The following SLC26A4 variants were observed in gnomAD, a reference collection of about 807,000 sequenced individuals.
SLC26A4 encodes solute carrier family 26 member 4, also known as pendrin.
Under a neutral mutation model 90.4 loss-of-function variants are expected in SLC26A4, and 93 were observed. That is an observed-to-expected ratio of 1.03 (90% confidence interval 0.87 to 1.22). The LOEUF is 1.22. SLC26A4 is among the 50% of genes most tolerant of loss of function. SLC26A4 has a pLI of 0.00. For synonymous variants in SLC26A4, 393 were observed against 354.6 expected (o/e 1.11, Z -1.22); for missense variants, 1,127 against 946.2 (o/e 1.19, Z -2.51).
chr7:107,691,982 A>G, intron 10 of SLC26A4: 5 of 1,288,812 alleles, frequency 3.9e-6, no homozygotes, highest in Non-Finnish European at 5.1e-6. Context: ...TCCAGAGCAC[A>G]TGGTCTTCAG....
At chr7:107,677,645 G>T (rs1443625791) in intron 6 of SLC26A4, among the ~76,000 whole-genome samples, 1 of 147,214 alleles carries the variant, frequency 6.8e-6, no homozygotes, top group South Asian at 2.2e-4. Flanking sequence ...TTGCCCCATT[G>T]CCTGGGCTGG....
chr7:107,672,083 T>A, intron 3 of SLC26A4, 55 bp from the exon 4 acceptor site: 1 of 1,104,086 alleles, frequency 9.1e-7, no homozygotes, highest in South Asian at 1.2e-5. Context: ...GTTGAGGACT[T>A]TCTGCATACT....
intron 19 of SLC26A4, 91 bp from the exon 20 acceptor site, chr7:107,712,448 G>A (rs1792216838): frequency 1.3e-6 from 1 of 769,206 alleles, no homozygotes; most frequent in Non-Finnish European, 2.4e-6. Flanking sequence ...AAAGACAGAT[G>A]AGAAGCACCA....
At chr7:107,709,019 G>T (rs566331488) in intron 18 of SLC26A4, among the ~76,000 whole-genome samples, 1 of 152,292 alleles carries the variant, frequency 6.6e-6, no homozygotes, top group Admixed American at 6.5e-5. Flanking sequence ...TTGCACAAGC[G>T]ATTTATTGAG....
In SLC26A4 at chr7:107,667,013, A is replaced by C. The variant is rs150884754; in HGVS notation, c.304+3578A>C. Among the ~76,000 whole-genome samples, 139 of 152,316 alleles carry C rather than the reference A, an allele frequency of 9.1e-4. 1 individual carries two copies. The highest frequency in any genetic ancestry group is 3.3e-3 in the African/African-American group (136 of 41,578). On this transcript the variant is annotated intron_variant, in intron 3 of 20. Coordinates refer to ENST00000644269, the MANE Select transcript of SLC26A4 (RefSeq NM_000441.2). ...ATAATGATGAGTGTGGATGAAAATC[A>C]CTGATGCCTCCAAGGTTGTTGGCTT...
intron 2 of SLC26A4, chr7:107,662,021 T>G: frequency 3.4e-6 from 2 of 589,390 alleles, no homozygotes; most frequent in Non-Finnish European, 6.0e-6. Flanking sequence ...GAAATGAACT[T>G]ACCTGGGAAA....
Position 107,661,986 on chromosome 7 carries a change from G to T in SLC26A4, c.164+181G>T. ...CCTCCACGCCGCCCTTCTGGTGGGAGGGTGGCTCCATCAGTCTCGGGCCCG... is the reference window on the plus strand; with the variant it reads ...CCTCCACGCCGCCCTTCTGGTGGGATGGTGGCTCCATCAGTCTCGGGCCCG... On this transcript the variant is annotated intron_variant, in intron 2 of 20. Transcript: ENST00000644269. This position sits in a 1 kb window ranked among gnomAD's most constrained non-coding sequence, Gnocchi z 5.1. The T allele has an allele frequency of 1.5e-6, 1 of 669,922 alleles. No individual in the cohort carries two copies. Among genetic ancestry groups the T allele is most frequent in the Non-Finnish European group, 2.5e-6 (1 of 402,940 alleles). 41.5% of individuals were successfully genotyped at this position (669,922 alleles called of 1,614,324 possible).
At chr7:107,679,977 A>C (rs1293993350) in intron 6 of SLC26A4, among the ~76,000 whole-genome samples, 2 of 132,338 alleles carry the variant, frequency 1.5e-5, no homozygotes, top group Non-Finnish European at 3.1e-5. Context: ...TATATAATAT[A>C]ATCTTATTAT....
At chr7:107,683,170 A>C in intron 6 of SLC26A4, 32 bp from the exon 7 acceptor site, 1 of 1,565,930 alleles carries the variant, frequency 6.4e-7, no homozygotes, top group Non-Finnish European at 8.8e-7. Flanking sequence ...GTGTAGCAGC[A>C]GGAAGTATAT....
chr7:107,690,045 A>G (rs1018879867), intron 9 of SLC26A4, 79 bp from the exon 10 acceptor site: 1 of 872,372 alleles, frequency 1.1e-6, no homozygotes. Flanking sequence ...TTCATTCTTA[A>G]TGTACTTCCT....
Position 107,683,225 on chromosome 7 carries a change from T to C in SLC26A4, c.789T>C (p.Asn263=). The part of the protein sequence containing the change: ...IIYTLVEIFQ[N]IGDTNLADFT... ...AGACGCTGGTTGAGATTTTTCAAAA[T>C]ATTGGTGATACCAATCTTGCTGATT... The change falls in exon 7 of 21, where the codon AAT becomes AAC. Residue 263 remains asparagine, a synonymous_variant. Coordinates refer to ENST00000644269, the MANE Select transcript of SLC26A4 (RefSeq NM_000441.2). 1.2e-6 allele frequency: 2 copies of C among 1,612,496 alleles called. No homozygotes were observed. The highest frequency in any genetic ancestry group is 1.1e-5 in the South Asian group (1 of 91,020).
intron 18 of SLC26A4, among the ~76,000 whole-genome samples, chr7:107,704,803 T>C (rs1791997002): frequency 6.6e-6 from 1 of 152,218 alleles, no homozygotes; most frequent in African/African-American, 2.4e-5. Context: ...ATTTAAACTG[T>C]CCTGTTTTAG....
At chr7:107,680,815 G>A (rs1791210933) in intron 6 of SLC26A4, among the ~76,000 whole-genome samples, 7 of 152,110 alleles carry the variant, frequency 4.6e-5, no homozygotes, top group Admixed American at 4.6e-4. Context: ...TTGTGTGATT[G>A]GGATAATGAT....
intron 6 of SLC26A4, among the ~76,000 whole-genome samples, chr7:107,681,391 A>G (rs1584315650): frequency 6.6e-6 from 1 of 152,228 alleles, no homozygotes; most frequent in Admixed American, 6.5e-5. Context: ...CTTAAGGTTC[A>G]TTAAGTACTT....
Position 107,660,857 on chromosome 7 carries a change from T to G in SLC26A4, c.-4+2T>G, listed in dbSNP as rs982532632. 2.0e-5 allele frequency: 3 copies of G among 152,090 alleles called. No homozygotes were observed. The highest frequency in any genetic ancestry group is 7.3e-5 in the African/African-American group (3 of 41,378). The allele number at this position is 152,090 out of a possible 1,614,324, so 9.4% of individuals were successfully genotyped here. ...CGGGCGGGGCGCGAGCAGAGACAGGTGAGTTCGCCCTGAAGATGCCCACAC... is the reference window on the plus strand; with the variant it reads ...CGGGCGGGGCGCGAGCAGAGACAGGGGAGTTCGCCCTGAAGATGCCCACAC... On this transcript the variant is annotated splice_donor_variant, in intron 1 of 20. Coordinates refer to ENST00000644269, the MANE Select transcript of SLC26A4 (RefSeq NM_000441.2). LOFTEE classifies it low-confidence loss of function (5UTR_SPLICE).
In SLC26A4 at chr7:107,661,846, G is replaced by A; in HGVS notation, c.164+41G>A. On this transcript the variant is annotated intron_variant, in intron 2 of 20. Transcript: ENST00000644269. The surrounding 1 kb of genome is among the most constrained non-coding windows in gnomAD (Gnocchi z 5.1). ...GCCTGCGTAGAGAGAAGCGGAGCGGGGCGTCCACGCCTTGGGGAGGGAAGG... is the reference window on the plus strand; with the variant it reads ...GCCTGCGTAGAGAGAAGCGGAGCGGAGCGTCCACGCCTTGGGGAGGGAAGG... 3.3e-6 allele frequency: 5 copies of A among 1,523,188 alleles called. No homozygotes were observed. The highest frequency in any genetic ancestry group is 4.4e-6 in the Non-Finnish European group (5 of 1,138,354). 94.4% of individuals were successfully genotyped at this position (1,523,188 alleles called of 1,614,324 possible). A position where few individuals can be genotyped will look rare whatever the true frequency, so the allele number is the denominator to read the frequency against.
rs1201527507 is a variant in SLC26A4, at chr7:107,686,290, TCCTACCTTCCCTCCCTTCCCTCCCTTC to T, written c.1001+2757_1002-2733del. On this transcript the variant is annotated intron_variant, in intron 8 of 20. Coordinates refer to ENST00000644269, the MANE Select transcript of SLC26A4 (RefSeq NM_000441.2). ...CTTCCTTCCCTCCCTTCCCTCCCTT[TCCTACCTTCCCTCCCTTCCCTCCCTTC>T]CCTCCCTTTCCTACCTGCACTCCCT... Among the ~76,000 whole-genome samples the T allele has an allele frequency of 1.5e-4, 14 of 94,706 alleles. 1 individual carries two copies. In the East Asian group the frequency reaches 5.8e-3, roughly 39 times the overall value. The allele number at this position is 94,706 out of a possible 152,430, so 62.1% of individuals were successfully genotyped here.
In SLC26A4 at chr7:107,695,926, T is replaced by TC. The variant is rs778728299; in HGVS notation, c.1438-4dup. 1.4e-6 allele frequency: 2 copies of TC among 1,453,312 alleles called. No homozygotes were observed. Among genetic ancestry groups the TC allele is most frequent in the Non-Finnish European group, 1.9e-6 (2 of 1,033,594 alleles). 90.0% of individuals were successfully genotyped at this position (1,453,312 alleles called of 1,614,324 possible). On this transcript the variant is annotated splice_region_variant and splice_polypyrimidine_tract_variant and intron_variant, in intron 12 of 20. Transcript: ENST00000644269. ...ATAATTCTTTTCATTTCTATTTTTT[T>TC]CCCTAGGTTATCTGGGTGTTTACGT...
intron 10 of SLC26A4, chr7:107,692,954 T>C (rs1791616853): frequency 2.6e-5 from 4 of 152,158 alleles, no homozygotes; most frequent in Admixed American, 2.0e-4. Flanking sequence ...AGGTGGCCAC[T>C]CTCCTGGCAT....
Sources: gnomAD v4.1 joint callset for allele counts (sites outside exome capture counted in the v4.1 genomes callset) on GRCh38, gnomAD v4.1.1 for gene constraint, Gnocchi (gnomAD v3.1) non-coding constraint, MANE v1.5 for transcripts, NCBI Gene and HGNC (gene_info 2026-07-23, HGNC 2026-07-21) for gene names.